DNHD1: variants seen among roughly 807,000 people sequenced by gnomAD.
The protein encoded by DNHD1 is dynein heavy chain domain-containing protein 1.
A neutral mutation model predicts 458.1 loss-of-function variants in DNHD1; 383 were observed. The ratio of observed to expected loss-of-function variants is 0.84; its 90% CI spans 0.77 to 0.91. The LOEUF (loss-of-function observed/expected upper bound fraction) is 0.91. DNHD1 is among the 40% of genes least tolerant of loss of function. DNHD1 has a pLI of 0.00. For missense variants in DNHD1, 5,336 were observed against 5,866.1 expected (o/e 0.91, Z 2.95); for synonymous variants, 2,203 against 2,376.9 (o/e 0.93, Z 2.13).
chr11:6,563,743 G>A lies in DNHD1; in HGVS notation c.9903G>A (p.Lys3301=). Residue 3301 remains lysine, a synonymous_variant, in exon 31 of 43, where the codon AAG becomes AAA. Coordinates refer to ENST00000254579, the MANE Select transcript of DNHD1 (RefSeq NM_144666.3). Reference sequence around the variant, plus strand: ...AGATAACAGACTCAGAGCTGATAAAGTTACATCTAATTCTGAAGGCTCCAG... The same window carrying A: ...AGATAACAGACTCAGAGCTGATAAAATTACATCTAATTCTGAAGGCTCCAG... ...KEKITDSELI[K]LHLILKAPGM... is the part of the protein sequence containing the mutation. 2 of 1,550,434 alleles carry A rather than the reference G, an allele frequency of 1.3e-6. No individual in the cohort carries two copies. Among genetic ancestry groups the A allele is most frequent in the East Asian group, 2.4e-5 (1 of 40,878 alleles).
chr11:6,556,239 G>A (rs914171158), intron 24 of DNHD1, among the ~76,000 whole-genome samples: 1 of 152,134 alleles, frequency 6.6e-6, no homozygotes, highest in East Asian at 1.9e-4. Context: ...GCCTCCAAAA[G>A]TGTTGATTAC....
intron 13 of DNHD1, 149 bp downstream of exon 13, chr11:6,533,333 C>T: frequency 1.1e-6 from 1 of 899,908 alleles, no homozygotes; most frequent in Non-Finnish European, 1.6e-6. Context: ...CTTGCTAATT[C>T]TTACCCTGTC....
In DNHD1 at chr11:6,528,462, G is replaced by C; in HGVS notation, c.1838-60G>C. On this transcript the variant is annotated intron_variant, in intron 10 of 42. Coordinates refer to ENST00000254579, the MANE Select transcript of DNHD1 (RefSeq NM_144666.3). ...ACACACACTGAGGGCAAGGAGAAAG[G>C]AAGATTGTTTGTGGGCTCTGGAGGG... The C allele has an allele frequency of 2.0e-6, 3 of 1,479,906 alleles. No homozygotes were observed. The East Asian group carries it at 7.5e-5, about 37-fold the overall frequency. The allele number at this position is 1,479,906 out of a possible 1,614,324, so 91.7% of individuals were successfully genotyped here. A position where few individuals can be genotyped will look rare whatever the true frequency, so the allele number is the denominator to read the frequency against.
chr11:6,543,958 CAAAAAAAAAAAAAAA>C (rs34739231), intron 18 of DNHD1, among the ~76,000 whole-genome samples, 148 bp from the exon 19 acceptor site: 1 of 74,000 alleles, frequency 1.4e-5, no homozygotes, highest in East Asian at 4.8e-4. Flanking sequence ...GACTCTGTCT[CAAAAAAAAAAAAAAA>C]AAAAAAAAAA....
chr11:6,556,985 G>C lies in DNHD1; in HGVS notation c.7690G>C (p.Val2564Leu), dbSNP rs1269882813. ...ERERALARGLVRASVEAWEAV... is the reference protein window; with the variant it reads ...ERERALARGLLRASVEAWEAV... ...GGAGCGTGCTCTGGCACGAGGTCTG[G>C]TTAGGGCCTCAGTAGAGGCCTGGGA... The change falls in exon 25 of 43, where the codon GTT becomes CTT. Residue 2564 changes from valine to leucine, a missense_variant. By Grantham distance (32) the Val-to-Leu change is conservative. Around this residue, in one of 4 missense-constraint regions of DNHD1, gnomAD observed 3,932 missense variants for 4,365.6 expected, o/e 0.90. Coordinates refer to ENST00000254579, the MANE Select transcript of DNHD1 (RefSeq NM_144666.3). 15 of 1,551,744 alleles carry C rather than the reference G, an allele frequency of 9.7e-6. No homozygotes were observed. The highest frequency in any genetic ancestry group is 1.7e-4 in the Middle Eastern group (1 of 5,992).
rs1027453410 is a variant in DNHD1, at chr11:6,498,854, T to C, written c.639T>C (p.Asp213=). The part of the protein sequence containing the change: ...QVALEEAVWL[D]GLSLLPLALA... ...CCCTAGAAGAGGCTGTGTGGCTGGATGGACTTAGTCTCCTTCCCTTGGCAC... is the reference window on the plus strand; with the variant it reads ...CCCTAGAAGAGGCTGTGTGGCTGGACGGACTTAGTCTCCTTCCCTTGGCAC... The change falls in exon 3 of 43, where the codon GAT becomes GAC. Residue 213 remains aspartate (D), a synonymous_variant. Coordinates refer to ENST00000254579, the MANE Select transcript of DNHD1 (RefSeq NM_144666.3). 4.3e-6 allele frequency: 7 copies of C among 1,614,210 alleles called. No homozygotes were observed. In the East Asian group the frequency reaches 1.6e-4, roughly 36 times the overall value.
intron 3 of DNHD1, among the ~76,000 whole-genome samples, chr11:6,499,861 C>T (rs1176557587): frequency 5.3e-5 from 8 of 152,156 alleles, no homozygotes; most frequent in East Asian, 3.9e-4. Context: ...TCACTGCGCC[C>T]GGCCCTATTG....
Position 6,563,722 on chromosome 11 carries a change from A to G in DNHD1, c.9882A>G (p.Ile3294Met). Residue 3294 changes from isoleucine to methionine, a missense_variant, in exon 31 of 43, where the codon ATA (isoleucine) becomes ATG (methionine). By Grantham distance (10) the Ile-to-Met change is conservative. Transcript: ENST00000254579. ...QELVFFPKEK[I>M]TDSELIKLHL... ...TGGTGTTCTTCCCCAAGGAGAAGATAACAGACTCAGAGCTGATAAAGTTAC... is the reference window on the plus strand; with the variant it reads ...TGGTGTTCTTCCCCAAGGAGAAGATGACAGACTCAGAGCTGATAAAGTTAC... 6.5e-7 allele frequency: 1 copy of G among 1,547,918 alleles called. No homozygotes were observed. The highest frequency in any genetic ancestry group is 8.7e-7 in the Non-Finnish European group (1 of 1,144,912).
intron 4 of DNHD1, among the ~76,000 whole-genome samples, chr11:6,506,351 A>C (rs1292235861): frequency 6.6e-6 from 1 of 152,190 alleles, no homozygotes; most frequent in Non-Finnish European, 1.5e-5. Flanking sequence ...GTCTCGACCC[A>C]AAGGCTGGGG....
rs1191410881 is a variant in DNHD1 at position 6,571,789 on chromosome 11, C to G, written c.14065C>G (p.Gln4689Glu). Residue 4689 changes from glutamine (Q) to glutamate (E), a missense_variant, in exon 43 of 43, where the codon CAG becomes GAG. By Grantham distance (29) the Gln-to-Glu change is conservative. Coordinates refer to ENST00000254579, the MANE Select transcript of DNHD1 (RefSeq NM_144666.3). The surrounding 1 kb of genome is among the most constrained non-coding windows in gnomAD (Gnocchi z 5.0). ...TCTGCCTCCCGTCAGCATCAGCACA[C>G]AGGCCCCGGGCACCAGTGACCTGCC... ...SPLPPVSIST[Q>E]APGTSDLPAP... The G allele has an allele frequency of 6.2e-7, 1 of 1,614,028 alleles. No individual in the cohort carries two copies. The highest frequency in any genetic ancestry group is 1.1e-5 in the South Asian group (1 of 91,080).
In DNHD1 at chr11:6,528,515, C is replaced by G; in HGVS notation, c.1838-7C>G. On this transcript the variant is annotated splice_polypyrimidine_tract_variant and splice_region_variant and intron_variant, in intron 10 of 42. Transcript: ENST00000254579. The stretch of plus-strand genomic sequence containing the variant: ...CTCACGGACAATTATGGCCTGTGCT[C>G]CACTAGAAGAAGATGAAGAGGAGGA... The G allele has an allele frequency of 6.5e-7, 1 of 1,547,658 alleles. No homozygotes were observed.
At position 6,508,886 on chromosome 11, in the gene DNHD1, C is replaced by T. The variant is rs758258758; in HGVS notation, c.927C>T (p.Tyr309=). ...NVAPSRYFRP[Y]SLMVVPPDKV... ...CAGAGCTCTTTTTTTAAAGGCCTTA[C>T]AGCCTGATGGTGGTGCCACCCGACA... Residue 309 remains tyrosine, a synonymous_variant, in exon 5 of 43, where the codon TAC becomes TAT. Coordinates refer to ENST00000254579, the MANE Select transcript of DNHD1 (RefSeq NM_144666.3). The T allele has an allele frequency of 2.5e-6, 4 of 1,614,076 alleles. No homozygotes were observed. Among genetic ancestry groups the T allele is most frequent in the Non-Finnish European group, 3.4e-6 (4 of 1,180,030 alleles).
rs1186012914 is a variant in DNHD1 at position 6,505,923 on chromosome 11, G to A, written c.921-2957G>A. Among the ~76,000 whole-genome samples the A allele has an allele frequency of 6.6e-6, 1 of 152,186 alleles. No homozygotes were observed. Among genetic ancestry groups the A allele is most frequent in the African/African-American group, 2.4e-5 (1 of 41,442 alleles). On this transcript the variant is annotated intron_variant, in intron 4 of 42. Coordinates refer to ENST00000254579, the MANE Select transcript of DNHD1 (RefSeq NM_144666.3). The surrounding 1 kb of genome is among the most constrained non-coding windows in gnomAD (Gnocchi z 4.4). ...GATGGAATGCCTACAAACCATAGTT[G>A]GGAGCTTACAGAAAGCAAATGACAA...
intron 10 of DNHD1, among the ~76,000 whole-genome samples, chr11:6,527,095 T>C (rs991889880): frequency 6.6e-6 from 1 of 152,260 alleles, no homozygotes; most frequent in Non-Finnish European, 1.5e-5. Flanking sequence ...TTTTTGGTTT[T>C]ATTATCTAAT....
chr11:6,541,306 C>T (rs917066584), intron 18 of DNHD1, among the ~76,000 whole-genome samples: 9 of 152,214 alleles, frequency 5.9e-5, no homozygotes, highest in Admixed American at 5.9e-4. Context: ...GAAACAGCAA[C>T]TTTCCCCCCA....
chr11:6,506,716 C>T (rs1007597099), intron 4 of DNHD1, among the ~76,000 whole-genome samples: 1 of 152,128 alleles, frequency 6.6e-6, no homozygotes, highest in Non-Finnish European at 1.5e-5. Flanking sequence ...TTTAAAATTG[C>T]ACTTCCTTCT....
At chr11:6,514,324 G>A (rs1852411026) in intron 7 of DNHD1, among the ~76,000 whole-genome samples, 1 of 152,082 alleles carries the variant, frequency 6.6e-6, no homozygotes, top group Admixed American at 6.6e-5. Flanking sequence ...GGCTGGTCTT[G>A]AACTCCTGAT....
At position 6,558,666 on chromosome 11, in the gene DNHD1, GGTGCTCAGA is replaced by G; in HGVS notation, c.9188_9196del (p.Ala3063_Ser3065del). 6.4e-7 allele frequency: 1 copy of G among 1,550,994 alleles called. No individual in the cohort carries two copies. On this transcript the variant is annotated inframe_deletion, in exon 26 of 43. Coordinates refer to ENST00000254579, the MANE Select transcript of DNHD1 (RefSeq NM_144666.3). ...CAAGGTGGCCCAGCATCACCTGGAG[GGTGCTCAGA>G]GTGTGCCCCTTGATGACGGTAAGCC...
intron 24 of DNHD1, among the ~76,000 whole-genome samples, chr11:6,554,187 G>A (rs1366487264): frequency 6.6e-6 from 1 of 152,124 alleles, no homozygotes; most frequent in African/African-American, 2.4e-5. Flanking sequence ...GTCATATGTG[G>A]CCAGTTGATT....
Sources: allele counts gnomAD v4.1 joint callset (sites outside exome capture counted in the v4.1 genomes callset), GRCh38; gene constraint gnomAD v4.1.1; regional missense constraint gnomAD v4.1.1; non-coding constraint Gnocchi (gnomAD v3.1); transcripts MANE v1.5; gene names NCBI Gene and HGNC (gene_info 2026-07-23, HGNC 2026-07-21).